RBFOX1: variants seen among roughly 807,000 people sequenced by gnomAD.
RBFOX1 encodes RNA binding fox-1 homolog 1.
Under a neutral mutation model 57.7 loss-of-function variants are expected in RBFOX1, and 8 were observed. The observed-to-expected ratio is 0.14, with a 90% CI of 0.08 to 0.25. RBFOX1 has a LOEUF of 0.25. Among genes scored for constraint, RBFOX1 ranks in the 10% least tolerant of loss-of-function variants. RBFOX1 has a pLI of 1.00. For synonymous variants in RBFOX1, 326 were observed against 222.4 expected, an observed-to-expected ratio of 1.47 and a Z score of -4.15; for missense variants, 611 against 548.5, an observed-to-expected ratio of 1.11 and a Z score of -1.14.
intron 2 of RBFOX1, among the ~76,000 whole-genome samples, chr16:5,488,273 ATGGTGG>A (rs1159242245): frequency 1.9e-5 from 1 of 53,980 alleles, no homozygotes; most frequent in Non-Finnish European, 4.2e-5. Flanking sequence ...GATGATGGTG[ATGGTGG>A]TGGTGGTGAT....
chr16:5,432,559 G>GT (rs35344614), intron 1 of RBFOX1, among the ~76,000 whole-genome samples: 6,244 of 94,196 alleles, frequency 0.066, 198 homozygotes, highest in Non-Finnish European at 0.075. Flanking sequence ...TTGTTTGTTT[G>GT]TTTTTTTTTT....
intron 4 of RBFOX1, among the ~76,000 whole-genome samples, chr16:7,429,727 T>C (rs932678156): frequency 1.3e-5 from 2 of 152,228 alleles, no homozygotes; most frequent in South Asian, 4.1e-4. Context: ...ACAATTTTTA[T>C]TGGGAAAAGT....
Position 6,288,905 on chromosome 16 carries a change from T to A in RBFOX1, c.-126-28090T>A, listed in dbSNP as rs146165114. On this transcript the variant is annotated intron_variant, in intron 1 of 15. Coordinates refer to ENST00000550418, the MANE Select transcript of RBFOX1 (RefSeq NM_018723.4). Reference sequence around the variant, plus strand: ...ACCAACAGCGAATTCTGGACATTAGTTCTCAAGGCAATGCTTCTCATTGAG... The same window carrying A: ...ACCAACAGCGAATTCTGGACATTAGATCTCAAGGCAATGCTTCTCATTGAG... Among the ~76,000 whole-genome samples the A allele has an allele frequency of 7.9e-3, 1,201 of 152,214 alleles. 9 individuals carry two copies. The highest frequency in any genetic ancestry group is 0.025 in the African/African-American group (1,032 of 41,542).
At chr16:7,523,880 C>A (rs953337412) in intron 5 of RBFOX1, among the ~76,000 whole-genome samples, 9 of 152,194 alleles carry the variant, frequency 5.9e-5, no homozygotes, top group Middle Eastern at 3.2e-3. Context: ...ATTGTCTCTG[C>A]CTCCTCCTAC....
At chr16:6,578,525 G>A (rs2097480875) in intron 2 of RBFOX1, among the ~76,000 whole-genome samples, 1 of 151,680 alleles carries the variant, frequency 6.6e-6, no homozygotes, top group African/African-American at 2.4e-5. Context: ...ATTTTACTCA[G>A]CACAAGCATT....
intron 2 of RBFOX1, among the ~76,000 whole-genome samples, chr16:5,528,327 A>G (rs1355966553): frequency 1.3e-5 from 2 of 152,082 alleles, no homozygotes; most frequent in Non-Finnish European, 2.9e-5. Flanking sequence ...GTGACTCAGT[A>G]GATCTGGGTT....
chr16:7,670,259 C>A (rs184759452), intron 13 of RBFOX1, among the ~76,000 whole-genome samples: 1 of 152,048 alleles, frequency 6.6e-6, no homozygotes, highest in Admixed American at 6.5e-5. Flanking sequence ...CTCGAACTTC[C>A]GACCTCAAGT....
intron 2 of RBFOX1, among the ~76,000 whole-genome samples, chr16:6,606,658 G>T (rs905278178): frequency 6.6e-6 from 1 of 152,044 alleles, no homozygotes; most frequent in Admixed American, 6.6e-5. Context: ...ATGGCTTCCA[G>T]TTCCATCCAT....
chr16:5,326,846 A>G (rs1415769565), intron 1 of RBFOX1, among the ~76,000 whole-genome samples: 1 of 152,178 alleles, frequency 6.6e-6, no homozygotes, highest in African/African-American at 2.4e-5. Context: ...CGTCCAAATG[A>G]TTGATATTAT....
intron 3 of RBFOX1, among the ~76,000 whole-genome samples, chr16:5,822,791 T>C (rs982406104): frequency 6.6e-6 from 1 of 152,210 alleles, no homozygotes; most frequent in African/African-American, 2.4e-5. Context: ...GTTAAGTGCA[T>C]GGACTTTGGA....
chr16:5,709,533 A>G (rs150337292), intron 3 of RBFOX1, among the ~76,000 whole-genome samples: 40 of 151,914 alleles, frequency 2.6e-4, no homozygotes, highest in Non-Finnish European at 4.9e-4. Flanking sequence ...CTTGGCCTGT[A>G]TGTGTCGATT....
At chr16:6,021,552 C>G (rs952838193) in intron 1 of RBFOX1, among the ~76,000 whole-genome samples, 8 of 152,192 alleles carry the variant, frequency 5.3e-5, no homozygotes, top group African/African-American at 1.9e-4. Flanking sequence ...AAACCTGTGT[C>G]CTCTTTGAGC....
chr16:6,545,334 A>G (rs928263831), intron 2 of RBFOX1, among the ~76,000 whole-genome samples: 3 of 152,064 alleles, frequency 2.0e-5, no homozygotes, highest in Admixed American at 2.0e-4. Context: ...TAAAATAAAA[A>G]CGGATAACTT....
chr16:7,575,879 C>T (rs945944776), intron 5 of RBFOX1, among the ~76,000 whole-genome samples: 1 of 152,172 alleles, frequency 6.6e-6, no homozygotes, highest in Non-Finnish European at 1.5e-5. Context: ...GCTCTGTCAT[C>T]TCCTGCTGCA....
At chr16:7,430,656 T>C in intron 4 of RBFOX1, among the ~76,000 whole-genome samples, 1 of 64,168 alleles carries the variant, frequency 1.6e-5, no homozygotes, top group Non-Finnish European at 2.9e-5. Context: ...TGAGACTCCA[T>C]CTCAAAAAAA....
chr16:5,574,199 C>G (rs2046379968), intron 2 of RBFOX1, among the ~76,000 whole-genome samples: 1 of 152,050 alleles, frequency 6.6e-6, no homozygotes. Context: ...TTCATTTTTT[C>G]CAAGTGAAGA....
intron 3 of RBFOX1, among the ~76,000 whole-genome samples, chr16:5,719,665 G>A (rs2051854592): frequency 6.6e-6 from 1 of 152,084 alleles, no homozygotes; most frequent in Admixed American, 6.6e-5. Flanking sequence ...CATACCGTAG[G>A]TGGCCTCTTG....
intron 2 of RBFOX1, among the ~76,000 whole-genome samples, chr16:5,589,227 T>C (rs2046929615): frequency 6.6e-6 from 1 of 152,110 alleles, no homozygotes; most frequent in Non-Finnish European, 1.5e-5. Context: ...GGGGCGGTGG[T>C]GGAGGGAACA....
intron 5 of RBFOX1, among the ~76,000 whole-genome samples, chr16:7,558,341 G>A (rs1367933097): frequency 6.6e-6 from 1 of 152,016 alleles, no homozygotes; most frequent in East Asian, 1.9e-4. Context: ...GTGACAAAGT[G>A]AGGCTCTGTC....
Sources: gnomAD v4.1 joint callset for allele counts (sites outside exome capture counted in the v4.1 genomes callset) on GRCh38, gnomAD v4.1.1 for gene constraint, MANE v1.5 for transcripts, NCBI Gene and HGNC (gene_info 2026-07-23, HGNC 2026-07-21) for gene names.